Variants in CTNNA3 observed in about 807,000 individuals in gnomAD.
The protein encoded by CTNNA3 is catenin alpha 3.
A neutral mutation model predicts 95.7 loss-of-function variants in CTNNA3; 76 were observed. That is an observed-to-expected ratio of 0.79 (90% CI 0.66 to 0.96). The LOEUF (loss-of-function observed/expected upper bound fraction) is 0.96, where lower values mean the gene tolerates loss of function less well. Among genes scored for constraint, CTNNA3 ranks in the 40% least tolerant of loss-of-function variants. The pLI is 0.00. For synonymous variants in CTNNA3, 431 were observed against 374.4 expected, an observed-to-expected ratio of 1.15 and a Z score of -1.74; for missense variants, 1,191 against 1,089.8, an observed-to-expected ratio of 1.09 and a Z score of -1.31.
intron 7 of CTNNA3, chr10:66,926,292 C>A (rs1847069327): frequency 1.1e-5 from 6 of 524,696 alleles, no homozygotes. Flanking sequence ...TCCCCACCCC[C>A]CAAAAAACTG....
At chr10:66,551,160 G>A (rs949451977) in intron 10 of CTNNA3, among the ~76,000 whole-genome samples, 4 of 151,976 alleles carry the variant, frequency 2.6e-5, no homozygotes, top group Admixed American at 6.6e-5. Context: ...GCCAATGTTC[G>A]GGGCAGATCT....
chr10:67,316,486 G>A (rs1359958011), intron 5 of CTNNA3, among the ~76,000 whole-genome samples: 1 of 152,004 alleles, frequency 6.6e-6, no homozygotes, highest in African/African-American at 2.4e-5. Context: ...CAAAAGCAAG[G>A]CCTTTTGCAG....
At chr10:66,188,591 G>GTA (rs1564744108) in intron 13 of CTNNA3, among the ~76,000 whole-genome samples, 1 of 107,010 alleles carries the variant, frequency 9.3e-6, no homozygotes, top group African/African-American at 4.8e-5. Context: ...GGGAGGGGGG[G>GTA]TCTCTGTGTG....
intron 9 of CTNNA3, among the ~76,000 whole-genome samples, chr10:66,678,806 A>G (rs1846960158): frequency 6.6e-6 from 1 of 152,080 alleles, no homozygotes; most frequent in South Asian, 2.1e-4. Context: ...TAATTAACTA[A>G]GGGGGGAAAA....
intron 1 of CTNNA3, among the ~76,000 whole-genome samples, chr10:67,685,242 A>G (rs925761574): frequency 3.9e-5 from 6 of 152,236 alleles, no homozygotes; most frequent in African/African-American, 1.4e-4. Flanking sequence ...ATTCTTTGCT[A>G]TTAATAAACC....
intron 1 of CTNNA3, among the ~76,000 whole-genome samples, chr10:67,651,779 T>C (rs533444862): frequency 2.8e-4 from 43 of 152,296 alleles, no homozygotes; most frequent in African/African-American, 1.0e-3. Flanking sequence ...AATATATATT[T>C]ATAGTTTGGC....
chr10:67,261,866 A>AT (rs1404169150), intron 5 of CTNNA3, among the ~76,000 whole-genome samples: 1 of 152,016 alleles, frequency 6.6e-6, no homozygotes, highest in African/African-American at 2.4e-5. Flanking sequence ...CATGTTGGGG[A>AT]TTTTTTTCTT....
At chr10:67,458,747 C>A (rs1181567847) in intron 5 of CTNNA3, among the ~76,000 whole-genome samples, 1 of 152,060 alleles carries the variant, frequency 6.6e-6, no homozygotes, top group Non-Finnish European at 1.5e-5. Flanking sequence ...ATGAAACCAT[C>A]AGATCTCTTA....
intron 1 of CTNNA3, among the ~76,000 whole-genome samples, chr10:67,731,750 C>T (rs1841275585): frequency 6.7e-6 from 1 of 149,864 alleles, no homozygotes; most frequent in African/African-American, 2.5e-5. Flanking sequence ...TGCAGTGAGC[C>T]GCGATTATGC....
chr10:66,788,771 T>C (rs1453139522), intron 7 of CTNNA3, among the ~76,000 whole-genome samples: 5 of 152,112 alleles, frequency 3.3e-5, no homozygotes, highest in Non-Finnish European at 7.4e-5. Flanking sequence ...AGAACCATAC[T>C]GGCGAGCACT....
chr10:67,162,025 T>G (rs888234081), intron 7 of CTNNA3, among the ~76,000 whole-genome samples: 4 of 152,038 alleles, frequency 2.6e-5, no homozygotes, highest in Admixed American at 6.5e-5. Flanking sequence ...TAAATATAGA[T>G]GAAGCAAAAA....
chr10:67,423,983 A>C (rs1031045162), intron 5 of CTNNA3, among the ~76,000 whole-genome samples: 3 of 152,184 alleles, frequency 2.0e-5, no homozygotes, highest in Non-Finnish European at 1.5e-5. Flanking sequence ...GGATCTTCTT[A>C]TTATGAAAGC....
At position 66,144,983 on chromosome 10, in the gene CTNNA3, A is replaced by G. The variant is rs183718165; in HGVS notation, c.1885-41734T>C. ...CTCTTAGGAAAATGTAATGAAATGC[A>G]TATTTGTATACCCCTACTTTTGTAT... On this transcript the variant is annotated intron_variant, in intron 13 of 17. Transcript: ENST00000433211. Among the ~76,000 whole-genome samples the G allele has an allele frequency of 2.1e-5, 3 of 145,698 alleles. No homozygotes were observed. The Admixed American group carries it at 2.1e-4, about 10-fold the overall frequency.
intron 3 of CTNNA3, among the ~76,000 whole-genome samples, chr10:67,600,324 T>C (rs1843048105): frequency 6.6e-6 from 1 of 152,122 alleles, no homozygotes; most frequent in African/African-American, 2.4e-5. Context: ...AAGTTTTTTT[T>C]TAACAGAACA....
At chr10:66,652,304 G>A (rs923895327) in intron 9 of CTNNA3, among the ~76,000 whole-genome samples, 1 of 151,936 alleles carries the variant, frequency 6.6e-6, no homozygotes, top group Non-Finnish European at 1.5e-5. Context: ...TATGAATGAA[G>A]GAGGGGACAT....
chr10:66,443,754 A>T (rs1237450629), intron 11 of CTNNA3, among the ~76,000 whole-genome samples: 1 of 152,102 alleles, frequency 6.6e-6, no homozygotes, highest in Admixed American at 6.5e-5. Context: ...AGAAACTCTA[A>T]AAAGCAGAGC....
chr10:66,250,594 G>A (rs1246568154), intron 13 of CTNNA3, among the ~76,000 whole-genome samples: 4 of 151,866 alleles, frequency 2.6e-5, no homozygotes, highest in South Asian at 2.1e-4. Flanking sequence ...TTTTTTGAAC[G>A]GCAGGAGCAA....
At chr10:66,985,719 T>G (rs1418641539) in intron 7 of CTNNA3, among the ~76,000 whole-genome samples, 1 of 152,056 alleles carries the variant, frequency 6.6e-6, no homozygotes, top group Non-Finnish European at 1.5e-5. Flanking sequence ...TCTTTCTGTT[T>G]GTTTATTTGT....
At position 66,966,342 on chromosome 10, in the gene CTNNA3, A is replaced by G. The variant is rs140432735; in HGVS notation, c.1048-190818T>C. On this transcript the variant is annotated intron_variant, in intron 7 of 17. Coordinates refer to ENST00000433211, the MANE Select transcript of CTNNA3 (RefSeq NM_013266.4). Reference sequence around the variant, plus strand: ...TTTTGATGTACAGAATTTTAGCATCATCTAACTAATCCTAAAAGACTTTGT... The same window carrying G: ...TTTTGATGTACAGAATTTTAGCATCGTCTAACTAATCCTAAAAGACTTTGT... Among the ~76,000 whole-genome samples the G allele has an allele frequency of 1.7e-3, 258 of 152,252 alleles. 1 individual carries two copies. Among genetic ancestry groups the G allele is most frequent in the Non-Finnish European group, 3.0e-3 (201 of 68,008 alleles).
Sources: allele counts gnomAD v4.1 joint callset (sites outside exome capture counted in the v4.1 genomes callset), GRCh38; gene constraint gnomAD v4.1.1; transcripts MANE v1.5; gene names NCBI Gene and HGNC (gene_info 2026-07-23, HGNC 2026-07-21).